Variants in CLASP2 observed in about 807,000 individuals in gnomAD.
The protein encoded by CLASP2 is cytoplasmic linker associated protein 2.
Under a neutral mutation model 194.4 loss-of-function variants are expected in CLASP2, and 47 were observed. The ratio of observed to expected loss-of-function variants is 0.24; its 90% CI spans 0.19 to 0.31. CLASP2 has a LOEUF of 0.31. Ranked by LOEUF, CLASP2 falls within the 10% of genes least tolerant of loss-of-function variation. The pLI is 1.00. For missense variants in CLASP2, 1,445 were observed against 1,823.6 expected, an observed-to-expected ratio of 0.79 and a Z score of 3.78; for synonymous variants, 619 against 633.5, an observed-to-expected ratio of 0.98 and a Z score of 0.34.
intron 34 of CLASP2, among the ~76,000 whole-genome samples, chr3:33,521,590 A>C (rs1416666160): frequency 3.9e-5 from 6 of 152,264 alleles, no homozygotes; most frequent in African/African-American, 1.4e-4. Flanking sequence ...CTAAGGAAAG[A>C]CTGAACACTG....
At chr3:33,696,628 G>A (rs2091944331) in intron 2 of CLASP2, among the ~76,000 whole-genome samples, 1 of 151,764 alleles carries the variant, frequency 6.6e-6, no homozygotes, top group Non-Finnish European at 1.5e-5. Context: ...ATCACACCTG[G>A]CTAATTTTTG....
chr3:33,622,485 T>G (rs1050040229), intron 10 of CLASP2, among the ~76,000 whole-genome samples: 4 of 152,176 alleles, frequency 2.6e-5, no homozygotes, highest in Non-Finnish European at 5.9e-5. Context: ...AAAAATAACA[T>G]TACAGACTTA....
intron 6 of CLASP2, among the ~76,000 whole-genome samples, chr3:33,665,855 T>C (rs1305581798): frequency 6.6e-6 from 1 of 152,092 alleles, no homozygotes; most frequent in Non-Finnish European, 1.5e-5. Flanking sequence ...AAATAAACAA[T>C]TTAAGAGCAG....
intron 32 of CLASP2, among the ~76,000 whole-genome samples, chr3:33,540,840 T>A (rs920016707): frequency 1.3e-5 from 2 of 150,042 alleles, no homozygotes; most frequent in African/African-American, 4.9e-5. Flanking sequence ...TAGCACGACA[T>A]CAGCTCACTG....
intron 21 of CLASP2, among the ~76,000 whole-genome samples, chr3:33,591,150 C>T (rs2068701141): frequency 6.6e-6 from 1 of 151,830 alleles, no homozygotes; most frequent in Non-Finnish European, 1.5e-5. Context: ...GCACTATAGC[C>T]TGGGTGACAA....
intron 21 of CLASP2, among the ~76,000 whole-genome samples, chr3:33,589,719 A>G (rs774535516): frequency 3.3e-5 from 5 of 152,138 alleles, no homozygotes; most frequent in Non-Finnish European, 7.4e-5. Context: ...AATGGGTTTC[A>G]AAGTGAAAAG....
At chr3:33,708,506 G>GTATATACGTA (rs2092819714) in intron 1 of CLASP2, among the ~76,000 whole-genome samples, 1 of 58,520 alleles carries the variant, frequency 1.7e-5, no homozygotes, top group Non-Finnish European at 3.1e-5. Context: ...ATATATATAT[G>GTATATACGTA]TATATATATG....
intron 35 of CLASP2, among the ~76,000 whole-genome samples, chr3:33,516,648 G>A (rs900505060): frequency 1.1e-4 from 16 of 151,968 alleles, no homozygotes; most frequent in Non-Finnish European, 2.1e-4. Flanking sequence ...GCCTGGGCTT[G>A]AGAATGAGTG....
intron 6 of CLASP2, among the ~76,000 whole-genome samples, chr3:33,675,117 G>T (rs996787917): frequency 1.5e-4 from 23 of 152,152 alleles, no homozygotes; most frequent in African/African-American, 3.9e-4. Context: ...TACCAAAGCC[G>T]CGCAGAGACA....
chr3:33,604,220 T>C lies in CLASP2; in HGVS notation c.1695-11A>G, dbSNP rs2073126571. The C allele has an allele frequency of 1.9e-6, 3 of 1,547,870 alleles. No homozygotes were observed. Among genetic ancestry groups the C allele is most frequent in the African/African-American group, 1.4e-5 (1 of 73,030 alleles). Reference sequence around the variant, plus strand: ...GAAGAAAAAGGGCGACTGCAAAGTATAAAAAATGCTTTTAGTAAGAAGACA... The same window carrying C: ...GAAGAAAAAGGGCGACTGCAAAGTACAAAAAATGCTTTTAGTAAGAAGACA... On this transcript the variant is annotated splice_polypyrimidine_tract_variant and intron_variant, in intron 16 of 38. Transcript: ENST00000682230.
chr3:33,696,356 T>A, intron 2 of CLASP2, among the ~76,000 whole-genome samples: 1 of 143,210 alleles, frequency 7.0e-6, no homozygotes, highest in Non-Finnish European at 1.5e-5. Flanking sequence ...TTTCTTTCTT[T>A]TTTTTTTTTT....
intron 6 of CLASP2, among the ~76,000 whole-genome samples, chr3:33,677,567 G>A (rs1356216772): frequency 2.8e-5 from 3 of 108,066 alleles, no homozygotes; most frequent in Middle Eastern, 6.9e-3. Flanking sequence ...GGTGGGGGGA[G>A]GGGGGAGGGA....
At chr3:33,660,742 G>C (rs1482209049) in intron 7 of CLASP2, among the ~76,000 whole-genome samples, 1 of 152,176 alleles carries the variant, frequency 6.6e-6, no homozygotes, top group Non-Finnish European at 1.5e-5. Context: ...GGAGAGAAAA[G>C]GTAGTATCTT....
chr3:33,592,684 T>A (rs1408235248), intron 20 of CLASP2, 188 bp from the exon 21 acceptor site: 2 of 643,720 alleles, frequency 3.1e-6, no homozygotes, highest in Non-Finnish European at 5.5e-6. Flanking sequence ...TACCATAAGC[T>A]AATTTTCCTT....
chr3:33,712,661 T>A (rs2093071651), intron 1 of CLASP2, among the ~76,000 whole-genome samples: 1 of 152,028 alleles, frequency 6.6e-6, no homozygotes, highest in Admixed American at 6.5e-5. Context: ...CCAACAGTAA[T>A]GCCACTGGTG....
chr3:33,550,357 T>C (rs1441321534), intron 30 of CLASP2, among the ~76,000 whole-genome samples: 1 of 137,456 alleles, frequency 7.3e-6, no homozygotes, highest in African/African-American at 2.8e-5. Flanking sequence ...ATCATGCCAC[T>C]GTGCTCCAGC....
At chr3:33,682,816 C>T (rs1485629579) in intron 6 of CLASP2, among the ~76,000 whole-genome samples, 3 of 152,074 alleles carry the variant, frequency 2.0e-5, no homozygotes, top group Non-Finnish European at 4.4e-5. Context: ...AGTTGTTTGG[C>T]TAGAAGTAAG....
At chr3:33,571,014 A>ATTTTTTT (rs1276472825) in intron 25 of CLASP2, among the ~76,000 whole-genome samples, 1 of 127,744 alleles carries the variant, frequency 7.8e-6, no homozygotes, top group Non-Finnish European at 1.7e-5. Flanking sequence ...TGTCTCTATA[A>ATTTTTTT]ATTTTTTTTT....
chr3:33,708,530 ATATATG>A (rs1457547553), intron 1 of CLASP2, among the ~76,000 whole-genome samples: 1 of 32,682 alleles, frequency 3.1e-5, no homozygotes, highest in African/African-American at 1.4e-4. Flanking sequence ...ATATGTATAT[ATATATG>A]TATATATGTA....
Sources: allele counts gnomAD v4.1 joint callset (sites outside exome capture counted in the v4.1 genomes callset), GRCh38; gene constraint gnomAD v4.1.1; transcripts MANE v1.5; gene names NCBI Gene and HGNC (gene_info 2026-07-23, HGNC 2026-07-21).